The following PTBP3 variants were observed in gnomAD, a reference collection of about 807,000 sequenced individuals.
PTBP3 encodes polypyrimidine tract-binding protein 3.
Under a neutral mutation model 58.7 loss-of-function variants are expected in PTBP3, and 20 were observed. That is an observed-to-expected ratio of 0.34 (90% CI 0.24 to 0.50). The LOEUF is 0.50. Among genes scored for constraint, PTBP3 ranks in the 20% least tolerant of loss-of-function variants. The probability of loss-of-function intolerance (pLI) is 0.98; values close to 1 mark genes in which losing one functional copy is unlikely to be tolerated. For synonymous variants in PTBP3, 185 were observed against 219.8 expected, an observed-to-expected ratio of 0.84 and a Z score of 1.40; for missense variants, 509 against 637.2, an observed-to-expected ratio of 0.80 and a Z score of 2.17.
At chr9:112,281,740 C>G (rs1295416528) in intron 2 of PTBP3, among the ~76,000 whole-genome samples, 1 of 152,120 alleles carries the variant, frequency 6.6e-6, no homozygotes, top group Non-Finnish European at 1.5e-5. Context: ...TCTGAGTTTT[C>G]TATTGCTTTT....
chr9:112,304,613 C>T (rs540199583), intron 1 of PTBP3, among the ~76,000 whole-genome samples: 1 of 152,336 alleles, frequency 6.6e-6, no homozygotes, highest in African/African-American at 2.4e-5. Context: ...GTCACTCCGG[C>T]TGGACTGCAG....
In PTBP3 at chr9:112,219,994, C is replaced by T. The variant is rs528055615; in HGVS notation, c.*3857G>A. ...TGTGCAATCTAAATTGTATTTCTTT[C>T]AGCACAATAGTAGAGTATTTTGAGT... On this transcript the variant is annotated 3_prime_UTR_variant, in exon 14 of 14. Transcript: ENST00000374257. 357 of 805,242 alleles carry T rather than the reference C, an allele frequency of 4.4e-4. 1 individual carries two copies. The highest frequency in any genetic ancestry group is 3.6e-4 in the Non-Finnish European group (231 of 638,070). 49.9% of individuals were successfully genotyped at this position (805,242 alleles called of 1,614,324 possible). A position where few individuals can be genotyped will look rare whatever the true frequency, so the allele number is the denominator to read the frequency against.
chr9:112,250,721 C>T (rs1307347814), intron 7 of PTBP3, among the ~76,000 whole-genome samples: 1 of 152,022 alleles, frequency 6.6e-6, no homozygotes, highest in Non-Finnish European at 1.5e-5. Flanking sequence ...AAATTTGTAA[C>T]TCAATTTCAG....
At position 112,220,994 on chromosome 9, in the gene PTBP3, T is replaced by C. The variant is rs1465755559; in HGVS notation, c.*2857A>G. Reference sequence around the variant, plus strand: ...AGATCTAGTTTTTCCACCATCCTGATATTTTTTAATCTTTTTTTTACAAAA... The same window carrying C: ...AGATCTAGTTTTTCCACCATCCTGACATTTTTTAATCTTTTTTTTACAAAA... On this transcript the variant is annotated 3_prime_UTR_variant, in exon 14 of 14. Coordinates refer to ENST00000374257, the MANE Select transcript of PTBP3 (RefSeq NM_001163788.4). 1.0e-6 allele frequency: 1 copy of C among 972,922 alleles called. No homozygotes were observed. Among genetic ancestry groups the C allele is most frequent in the Non-Finnish European group, 1.2e-6 (1 of 818,722 alleles). The allele number at this position is 972,922 out of a possible 1,614,324, so 60.3% of individuals were successfully genotyped here. A position where few individuals can be genotyped will look rare whatever the true frequency, so the allele number is the denominator to read the frequency against.
At chr9:112,368,753 T>A in the PTBP3 span, among the ~76,000 whole-genome samples, 5 of 152,174 alleles carry the variant, frequency 3.3e-5, no homozygotes, top group African/African-American at 1.2e-4. Context: ...CTTAGCCAAT[T>A]TGCATAAGTA....
chr9:112,311,522 T>G (rs960157101), intron 1 of PTBP3, among the ~76,000 whole-genome samples: 1 of 152,154 alleles, frequency 6.6e-6, no homozygotes, highest in African/African-American at 2.4e-5. Context: ...ATTCCCAGGA[T>G]GCAAAACCCA....
At chr9:112,365,168 CTATGTATCTATA>C in the PTBP3 span, among the ~76,000 whole-genome samples, 4 of 147,594 alleles carry the variant, frequency 2.7e-5, no homozygotes, top group African/African-American at 1.1e-4. Context: ...ATCTATCTAT[CTATGTATCTATA>C]TATGTATGTA....
upstream of PTBP3, among the ~76,000 whole-genome samples, chr9:112,337,568 A>G (rs1016076366): frequency 2.0e-5 from 3 of 152,208 alleles, no homozygotes; most frequent in African/African-American, 7.2e-5. Flanking sequence ...GGTTCTATAT[A>G]CTGGCTTCTT....
intron 1 of PTBP3, among the ~76,000 whole-genome samples, chr9:112,320,117 A>T (rs1223369462): frequency 6.6e-6 from 1 of 151,662 alleles, no homozygotes; most frequent in Non-Finnish European, 1.5e-5. Context: ...TATATACTTC[A>T]GTTTTTAAAA....
At chr9:112,345,701 A>G in the PTBP3 span, among the ~76,000 whole-genome samples, 7 of 152,110 alleles carry the variant, frequency 4.6e-5, no homozygotes, top group African/African-American at 1.7e-4. Context: ...AAATTTAAAT[A>G]TAAAAATTAA....
chr9:112,223,794 G>A lies in PTBP3; in HGVS notation c.*57C>T, dbSNP rs1181384770. The A allele has an allele frequency of 6.2e-7, 1 of 1,611,394 alleles. No homozygotes were observed. Among genetic ancestry groups the A allele is most frequent in the Non-Finnish European group, 8.5e-7 (1 of 1,178,944 alleles). The stretch of plus-strand genomic sequence containing the variant: ...TTGGTCTTGAGCTGCTTCAGTCTAT[G>A]TCTGAAGGTTTTACTGAAATTATGG... On this transcript the variant is annotated 3_prime_UTR_variant, in exon 14 of 14. Coordinates refer to ENST00000374257, the MANE Select transcript of PTBP3 (RefSeq NM_001163788.4).
At chr9:112,239,841 G>A (rs1216402716) in intron 7 of PTBP3, among the ~76,000 whole-genome samples, 6 of 26,190 alleles carry the variant, frequency 2.3e-4, no homozygotes, top group Admixed American at 1.0e-3. Context: ...AAGGGAGGGA[G>A]GGAGGGAGGG....
intron 3 of PTBP3, among the ~76,000 whole-genome samples, chr9:112,271,308 C>G (rs1286660703): frequency 6.6e-6 from 1 of 152,094 alleles, no homozygotes; most frequent in African/African-American, 2.4e-5. Context: ...GCTGAGCATC[C>G]CTAATTCAAA....
intron 2 of PTBP3, among the ~76,000 whole-genome samples, chr9:112,281,851 TAGTC>T (rs1264128614): frequency 3.3e-5 from 5 of 152,338 alleles, no homozygotes; most frequent in South Asian, 2.1e-4. Context: ...TGAATCTACT[TAGTC>T]AGTTAAGGCT....
the PTBP3 span, among the ~76,000 whole-genome samples, chr9:112,340,837 T>C: frequency 5.2e-3 from 787 of 150,772 alleles, 14 homozygotes; most frequent in African/African-American, 0.018. Flanking sequence ...GATCGCGCCA[T>C]TGCACTCCCG....
intron 1 of PTBP3, chr9:112,330,549 G>A: frequency 1.1e-6 from 1 of 933,088 alleles, no homozygotes; most frequent in South Asian, 1.6e-5. Context: ...GAGATAGTAA[G>A]AATAAAGGGG....
At chr9:112,277,940 ACAT>A (rs1330227856) in intron 2 of PTBP3, among the ~76,000 whole-genome samples, 1 of 85,522 alleles carries the variant, frequency 1.2e-5, no homozygotes, top group East Asian at 4.8e-4. Flanking sequence ...ACATAACATA[ACAT>A]AATATAACAT....
chr9:112,246,466 G>A (rs1055985494), intron 7 of PTBP3, among the ~76,000 whole-genome samples: 2 of 151,882 alleles, frequency 1.3e-5, no homozygotes, highest in Admixed American at 6.5e-5. Context: ...AGGCTGAGGC[G>A]GGCGGATCAC....
chr9:112,347,848 C>G, the PTBP3 span, among the ~76,000 whole-genome samples: 1 of 152,284 alleles, frequency 6.6e-6, no homozygotes, highest in East Asian at 1.9e-4. Context: ...ATTTCATCAT[C>G]TCTAGTCCTT....
Sources: gnomAD v4.1 joint callset for allele counts (sites outside exome capture counted in the v4.1 genomes callset) on GRCh38, gnomAD v4.1.1 for gene constraint, MANE v1.5 for transcripts, NCBI Gene and HGNC (gene_info 2026-07-23, HGNC 2026-07-21) for gene names.